The following TMTC1 variants were observed in gnomAD, a reference collection of about 807,000 sequenced individuals.
TMTC1 encodes protein O-mannosyl-transferase TMTC1.
A neutral mutation model predicts 104.8 loss-of-function variants in TMTC1; 73 were observed. The observed-to-expected ratio is 0.70, with a 90% confidence interval of 0.58 to 0.85. TMTC1 has a LOEUF of 0.85. TMTC1 is among the 40% of genes least tolerant of loss of function. The pLI, the probability that TMTC1 is intolerant of heterozygous loss-of-function variation, is 0.00. For missense variants in TMTC1, 1,035 were observed against 1,096.1 expected (o/e 0.94, Z 0.79); for synonymous variants, 434 against 428.7 (o/e 1.01, Z -0.15).
At chr12:29,555,036 T>C (rs1444045846) in intron 10 of TMTC1, among the ~76,000 whole-genome samples, 1 of 151,992 alleles carries the variant, frequency 6.6e-6, no homozygotes, top group Non-Finnish European at 1.5e-5. Flanking sequence ...TGCCAATTTA[T>C]CAGCTCTAAA....
intron 9 of TMTC1, among the ~76,000 whole-genome samples, chr12:29,564,984 A>C (rs896527222): frequency 1.3e-5 from 2 of 152,310 alleles, no homozygotes; most frequent in East Asian, 1.9e-4. Context: ...AGGGTAGTAA[A>C]AGAGGAAAAT....
intron 10 of TMTC1, among the ~76,000 whole-genome samples, chr12:29,546,622 G>A (rs1051806572): frequency 6.6e-6 from 1 of 152,148 alleles, no homozygotes; most frequent in Non-Finnish European, 1.5e-5. Flanking sequence ...AAATTTAATT[G>A]TCTGGGTAAA....
At chr12:29,559,838 C>T (rs1945335621) in intron 9 of TMTC1, among the ~76,000 whole-genome samples, 1 of 152,146 alleles carries the variant, frequency 6.6e-6, no homozygotes, top group Admixed American at 6.5e-5. Flanking sequence ...CTCACCTAAT[C>T]ACAAGCAAGC....
chr12:29,654,544 A>T (rs1167454252), intron 5 of TMTC1, among the ~76,000 whole-genome samples: 1 of 152,224 alleles, frequency 6.6e-6, no homozygotes, highest in Non-Finnish European at 1.5e-5. Flanking sequence ...ATATTCTGGC[A>T]GTTCCTCAAA....
chr12:29,764,589 G>A (rs1180858265), intron 2 of TMTC1, among the ~76,000 whole-genome samples: 1 of 152,110 alleles, frequency 6.6e-6, no homozygotes, highest in African/African-American at 2.4e-5. Context: ...CTCCTACTTA[G>A]AAACTTGAAT....
At chr12:29,674,840 A>G (rs1368404847) in intron 5 of TMTC1, among the ~76,000 whole-genome samples, 4 of 152,164 alleles carry the variant, frequency 2.6e-5, no homozygotes, top group Non-Finnish European at 4.4e-5. Flanking sequence ...AGTGTTTTCT[A>G]TTTTGCATAA....
At chr12:29,676,651 A>T (rs2136699653) in intron 5 of TMTC1, among the ~76,000 whole-genome samples, 1 of 152,324 alleles carries the variant, frequency 6.6e-6, no homozygotes, top group East Asian at 1.9e-4. Flanking sequence ...GGAGCGATGC[A>T]CTGGGCACAG....
intron 5 of TMTC1, among the ~76,000 whole-genome samples, chr12:29,746,727 A>G (rs1426652349): frequency 6.6e-6 from 1 of 152,156 alleles, no homozygotes; most frequent in Admixed American, 6.5e-5. Flanking sequence ...CTCTAGTCCT[A>G]AACTTGTTTT....
At chr12:29,681,099 C>CAAAAAAAAAAA (rs71045827) in intron 5 of TMTC1, among the ~76,000 whole-genome samples, 8 of 107,150 alleles carry the variant, frequency 7.5e-5, no homozygotes, top group East Asian at 2.4e-4. Context: ...ACCCTGTCTC[C>CAAAAAAAAAAA]AAAAAAAAAA....
intron 1 of TMTC1, among the ~76,000 whole-genome samples, chr12:29,782,412 C>T (rs187879269): frequency 5.9e-4 from 90 of 152,310 alleles, no homozygotes; most frequent in Admixed American, 1.4e-3. Context: ...AGCTGCCAAC[C>T]CAGTCTCAAA....
At chr12:29,548,934 TAA>T (rs1945021137) in intron 10 of TMTC1, among the ~76,000 whole-genome samples, 1 of 144,318 alleles carries the variant, frequency 6.9e-6, no homozygotes, top group Non-Finnish European at 1.5e-5. Flanking sequence ...ATATAATATG[TAA>T]ATAATATATA....
At chr12:29,661,996 G>A (rs950513566) in intron 5 of TMTC1, among the ~76,000 whole-genome samples, 2 of 152,050 alleles carry the variant, frequency 1.3e-5, no homozygotes, top group African/African-American at 2.4e-5. Flanking sequence ...TGATGAAAGG[G>A]AATCAAGAGA....
rs1943871242 is a variant in TMTC1 at position 29,783,080 on chromosome 12, C to G, written c.302+370G>C. 4.4e-6 allele frequency: 1 copy of G among 229,034 alleles called. No individual in the cohort carries two copies. Among genetic ancestry groups the G allele is most frequent in the Admixed American group, 5.7e-5 (1 of 17,410 alleles). The allele number at this position is 229,034 out of a possible 1,614,324, so 14.2% of individuals were successfully genotyped here. On this transcript the variant is annotated intron_variant, in intron 1 of 17. Coordinates refer to ENST00000539277, the MANE Select transcript of TMTC1 (RefSeq NM_001193451.2). This position sits in a 1 kb window ranked among gnomAD's most constrained non-coding sequence, Gnocchi z 4.7. ...GGAAGCATCGCCACCACCGCCACCC[C>G]TCCGGAACCCTCTGGGTCCGCGCTA...
chr12:29,587,135 G>A (rs915529796), intron 7 of TMTC1, among the ~76,000 whole-genome samples: 1 of 152,114 alleles, frequency 6.6e-6, no homozygotes, highest in South Asian at 2.1e-4. Context: ...TCTATTCAGA[G>A]ATTCAACTGC....
At position 29,644,828 on chromosome 12, in the gene TMTC1, T is replaced by C. The variant is rs560651687; in HGVS notation, c.939-11492A>G. Among the ~76,000 whole-genome samples the C allele has an allele frequency of 3.2e-4, 49 of 152,312 alleles. 1 individual carries two copies. The highest frequency in any genetic ancestry group is 1.5e-4 in the Non-Finnish European group (10 of 68,020). On this transcript the variant is annotated intron_variant, in intron 5 of 17. Transcript: ENST00000539277. ...GTTTTACATTTCTGACCGCAGCACC[T>C]GACTAGCTCACCTCATCTTCTGGAA...
intron 12 of TMTC1, 21 bp from the exon 13 acceptor site, chr12:29,518,628 G>C (rs375401891): frequency 3.1e-6 from 5 of 1,613,472 alleles, no homozygotes; most frequent in Non-Finnish European, 4.2e-6. Flanking sequence ...TGACAGGTTG[G>C]TAAGAGCAGA....
rs12581692 is a variant in TMTC1, at chr12:29,612,632, C to G, written c.1129-8333G>C. On this transcript the variant is annotated intron_variant, in intron 6 of 17. Coordinates refer to ENST00000539277, the MANE Select transcript of TMTC1 (RefSeq NM_001193451.2). ...TTTCCACCATGTTGGCCAAGCTGGT[C>G]TTGAACTCCTGAACTCAAGTGATCT... is the stretch of plus-strand genomic sequence containing the variant. 1.7e-4 allele frequency among the ~76,000 whole-genome samples: 26 copies of G among 152,214 alleles called. No homozygotes were observed. The East Asian group carries it at 4.6e-3, about 27-fold the overall frequency.
At chr12:29,710,111 G>A (rs748529718) in intron 5 of TMTC1, among the ~76,000 whole-genome samples, 4 of 152,076 alleles carry the variant, frequency 2.6e-5, no homozygotes, top group Non-Finnish European at 5.9e-5. Context: ...CAATCAGTAC[G>A]TAGAGTCTAT....
chr12:29,672,389 TTG>T (rs1255101107), intron 5 of TMTC1, among the ~76,000 whole-genome samples: 1 of 152,210 alleles, frequency 6.6e-6, no homozygotes, highest in Non-Finnish European at 1.5e-5. Flanking sequence ...AGGGGTCATT[TTG>T]TATTATAGAT....
Sources: allele counts gnomAD v4.1 joint callset (sites outside exome capture counted in the v4.1 genomes callset), GRCh38; gene constraint gnomAD v4.1.1; non-coding constraint Gnocchi (gnomAD v3.1); transcripts MANE v1.5; gene names NCBI Gene and HGNC (gene_info 2026-07-23, HGNC 2026-07-21).